The following WDR7 variants were observed in gnomAD, a reference collection of about 807,000 sequenced individuals.
WDR7 encodes WD repeat domain 7, also known as WD repeat-containing protein 7.
Under a neutral mutation model 169.4 loss-of-function variants are expected in WDR7, and 46 were observed. That is an observed-to-expected ratio of 0.27 (90% CI 0.21 to 0.35). WDR7 has a LOEUF of 0.35. Among genes scored for constraint, WDR7 ranks in the 10% least tolerant of loss-of-function variants. The probability of loss-of-function intolerance (pLI) is 1.00; values close to 1 mark genes in which losing one functional copy is unlikely to be tolerated. For missense variants in WDR7, 1,534 were observed against 1,859.3 expected, an observed-to-expected ratio of 0.83 and a Z score of 3.22; for synonymous variants, 612 against 666.8, an observed-to-expected ratio of 0.92 and a Z score of 1.27.
At chr18:56,700,190 T>C (rs2025792291) in intron 12 of WDR7, among the ~76,000 whole-genome samples, 2 of 151,852 alleles carry the variant, frequency 1.3e-5, no homozygotes, top group East Asian at 1.9e-4. Flanking sequence ...ATTTTTCCTT[T>C]TATTTTGTGT....
chr18:56,948,510 G>A (rs904184438), intron 25 of WDR7, among the ~76,000 whole-genome samples: 1 of 152,056 alleles, frequency 6.6e-6, no homozygotes, highest in African/African-American at 2.4e-5. Context: ...AACTGTGCTT[G>A]AATAATGACA....
rs1288518490 is a variant in WDR7 at position 56,656,073 on chromosome 18, G to T, written c.-20+4497G>T. Among the ~76,000 whole-genome samples, 3 of 152,172 alleles carry T rather than the reference G, an allele frequency of 2.0e-5. No homozygotes were observed. The South Asian group carries it at 6.2e-4, about 32-fold the overall frequency. ...TTCTTGTACAGTTTTGTGTGTGTGT[G>T]TGCGTATGGATTTAAATTTTCATTT... On this transcript the variant is annotated intron_variant, in intron 1 of 27. Coordinates refer to ENST00000254442, the MANE Select transcript of WDR7 (RefSeq NM_015285.3).
At chr18:56,943,300 A>G (rs2145713347) in intron 25 of WDR7, among the ~76,000 whole-genome samples, 1 of 152,054 alleles carries the variant, frequency 6.6e-6, no homozygotes, top group South Asian at 2.1e-4. Context: ...TGTGGTTCAG[A>G]TATGTGATGT....
intron 14 of WDR7, among the ~76,000 whole-genome samples, chr18:56,745,665 C>T (rs936921985): frequency 1.3e-5 from 2 of 152,166 alleles, no homozygotes; most frequent in South Asian, 4.1e-4. Context: ...AGCCATGAAC[C>T]TGTGGACCAG....
In WDR7 at chr18:56,672,807, G is replaced by A. The variant is rs572336028; in HGVS notation, c.159+133G>A. On this transcript the variant is annotated intron_variant, in intron 2 of 27. Coordinates refer to ENST00000254442, the MANE Select transcript of WDR7 (RefSeq NM_015285.3). ...AAATGTGTTTTGACTAAAACTAGTAGTATACAGATTCATTATTTACACTAT... is the reference window on the plus strand; with the variant it reads ...AAATGTGTTTTGACTAAAACTAGTAATATACAGATTCATTATTTACACTAT... The A allele has an allele frequency of 2.8e-5, 24 of 849,386 alleles. No individual in the cohort carries two copies. The African/African-American group carries it at 4.2e-4, about 15-fold the overall frequency. The allele number at this position is 849,386 out of a possible 1,614,324, so 52.6% of individuals were successfully genotyped here.
At chr18:56,852,624 C>T (rs1388668230) in intron 20 of WDR7, among the ~76,000 whole-genome samples, 1 of 152,022 alleles carries the variant, frequency 6.6e-6, no homozygotes, top group Non-Finnish European at 1.5e-5. Flanking sequence ...TGTCAGAATA[C>T]TCAAACTTTT....
chr18:56,955,221 T>C (rs1452654193), intron 25 of WDR7, among the ~76,000 whole-genome samples: 2 of 152,160 alleles, frequency 1.3e-5, no homozygotes, highest in Non-Finnish European at 2.9e-5. Context: ...TATTCACAAG[T>C]AGAACTCCCT....
intron 21 of WDR7, among the ~76,000 whole-genome samples, chr18:56,881,170 C>G (rs2046102595): frequency 6.6e-6 from 1 of 152,176 alleles, no homozygotes; most frequent in Non-Finnish European, 1.5e-5. Flanking sequence ...CTTCAATAGA[C>G]TTAGCTGCCC....
At chr18:56,932,770 G>A (rs1049232234) in intron 22 of WDR7, among the ~76,000 whole-genome samples, 26 of 152,118 alleles carry the variant, frequency 1.7e-4, no homozygotes, top group Admixed American at 8.5e-4. Context: ...CAGCATAAGG[G>A]TAAGGGGAAA....
intron 12 of WDR7, among the ~76,000 whole-genome samples, chr18:56,706,503 G>C (rs540749275): frequency 6.6e-6 from 1 of 152,240 alleles, no homozygotes; most frequent in Non-Finnish European, 1.5e-5. Flanking sequence ...TTTCTGTGAA[G>C]TGTTGGTTTA....
intron 22 of WDR7, among the ~76,000 whole-genome samples, chr18:56,928,464 C>CTAAA (rs1170919757): frequency 6.6e-6 from 1 of 152,132 alleles, no homozygotes; most frequent in Non-Finnish European, 1.5e-5. Context: ...GACCTTGACT[C>CTAAA]TAAATAAATA....
At chr18:56,708,403 A>G (rs2026009179) in intron 12 of WDR7, among the ~76,000 whole-genome samples, 2 of 152,146 alleles carry the variant, frequency 1.3e-5, no homozygotes, top group Non-Finnish European at 2.9e-5. Context: ...GACAGATTAA[A>G]AATCGCTTGG....
At chr18:56,682,390 G>A (rs2025366274) in intron 4 of WDR7, among the ~76,000 whole-genome samples, 1 of 152,028 alleles carries the variant, frequency 6.6e-6, no homozygotes, top group Non-Finnish European at 1.5e-5. Flanking sequence ...GATGCTAGAG[G>A]GGGATAAAAA....
At chr18:56,744,076 A>G (rs970198490) in intron 14 of WDR7, among the ~76,000 whole-genome samples, 5 of 151,888 alleles carry the variant, frequency 3.3e-5, no homozygotes, top group African/African-American at 1.2e-4. Context: ...CGTCTCTACT[A>G]AAAATACAAA....
intron 20 of WDR7, among the ~76,000 whole-genome samples, chr18:56,852,059 A>G (rs1414199314): frequency 2.0e-5 from 3 of 152,132 alleles, no homozygotes; most frequent in Non-Finnish European, 4.4e-5. Flanking sequence ...TTCTCCAAAC[A>G]TGTCTTAGTC....
At chr18:56,949,552 T>C (rs550199468) in intron 25 of WDR7, among the ~76,000 whole-genome samples, 3 of 152,384 alleles carry the variant, frequency 2.0e-5, no homozygotes, top group African/African-American at 7.2e-5. Context: ...AAAAATCTGC[T>C]TGCGCAGACG....
intron 20 of WDR7, among the ~76,000 whole-genome samples, chr18:56,849,405 G>A (rs1190442880): frequency 2.6e-5 from 4 of 152,062 alleles, no homozygotes. Flanking sequence ...TTCTTAAAAG[G>A]CAATATTCCA....
rs1599253146 is a variant in WDR7, at chr18:57,020,835, A to G, written c.4255A>G (p.Ile1419Val). The G allele has an allele frequency of 1.9e-6, 3 of 1,614,146 alleles. No homozygotes were observed. Among genetic ancestry groups the G allele is most frequent in the Non-Finnish European group, 1.7e-6 (2 of 1,179,994 alleles). The part of the protein sequence containing the change: ...LATYSNTDSH[I>V]SFWQMNTSLL... ...CACCTACTCAAACACTGACAGCCACATTTCTTTTTGGCAGGTAAGAGTAGA... is the reference window on the plus strand; with the variant it reads ...CACCTACTCAAACACTGACAGCCACGTTTCTTTTTGGCAGGTAAGAGTAGA... The change falls in exon 27 of 28, where the codon ATT becomes GTT. Residue 1419 changes from isoleucine to valine, a missense_variant. Ile to Val is a conservative substitution (Grantham distance 29). Transcript: ENST00000254442.
At chr18:56,727,901 G>T (rs2026495775) in intron 13 of WDR7, among the ~76,000 whole-genome samples, 1 of 152,098 alleles carries the variant, frequency 6.6e-6, no homozygotes, top group Admixed American at 6.5e-5. Flanking sequence ...TTCCACTACA[G>T]TCTTTTACTG....
Sources: gnomAD v4.1 joint callset for allele counts (sites outside exome capture counted in the v4.1 genomes callset) on GRCh38, gnomAD v4.1.1 for gene constraint, MANE v1.5 for transcripts, NCBI Gene and HGNC (gene_info 2026-07-23, HGNC 2026-07-21) for gene names.